Variants in STAC observed in about 807,000 individuals in gnomAD.
STAC encodes the protein SH3 and cysteine-rich domain-containing protein.
STAC carries 43 observed loss-of-function variants against 48.8 expected under a neutral mutation model. The observed-to-expected ratio is 0.88, with a 90% CI of 0.69 to 1.14. The LOEUF is 1.14. STAC is among the 50% of genes most tolerant of loss of function. The probability of loss-of-function intolerance (pLI) is 0.00; values close to 1 mark genes in which losing one functional copy is unlikely to be tolerated. For missense variants in STAC, 497 were observed against 504.0 expected, an observed-to-expected ratio of 0.99 and a Z score of 0.13; for synonymous variants, 193 against 179.5, an observed-to-expected ratio of 1.07 and a Z score of -0.60.
At chr3:36,498,299 A>G (rs1301104601) in intron 6 of STAC, among the ~76,000 whole-genome samples, 2 of 152,158 alleles carry the variant, frequency 1.3e-5, no homozygotes, top group Admixed American at 1.3e-4. Flanking sequence ...GTTTAACAAC[A>G]TATTAGGCAT....
intron 1 of STAC, among the ~76,000 whole-genome samples, chr3:36,407,357 G>T (rs1257351669): frequency 1.3e-5 from 2 of 152,198 alleles, no homozygotes; most frequent in African/African-American, 2.4e-5. Context: ...AATCCTGGTG[G>T]ATCTCAGAGG....
intron 8 of STAC, among the ~76,000 whole-genome samples, chr3:36,527,353 TCAGAA>T (rs759117069): frequency 3.3e-5 from 5 of 152,116 alleles, no homozygotes; most frequent in Non-Finnish European, 5.9e-5. Context: ...CAGAACTCTT[TCAGAA>T]AAGAATAAGG....
intron 2 of STAC, among the ~76,000 whole-genome samples, chr3:36,444,354 A>C (rs779040211): frequency 3.3e-5 from 5 of 152,190 alleles, no homozygotes; most frequent in Non-Finnish European, 5.9e-5. Context: ...AAAAGTTTAG[A>C]AGTTCTTTAA....
chr3:36,454,189 T>C (rs1696783679), intron 2 of STAC, among the ~76,000 whole-genome samples: 1 of 152,138 alleles, frequency 6.6e-6, no homozygotes, highest in South Asian at 2.1e-4. Flanking sequence ...TTTCGCTCTT[T>C]GCAATAAATC....
intron 1 of STAC, among the ~76,000 whole-genome samples, chr3:36,433,039 G>C (rs1057141899): frequency 6.6e-6 from 1 of 152,164 alleles, no homozygotes; most frequent in Non-Finnish European, 1.5e-5. Context: ...CTGCAGCAGA[G>C]CCCCAGGGCA....
chr3:36,505,620 G>A, intron 7 of STAC, 126 bp from the exon 8 acceptor site: 1 of 619,880 alleles, frequency 1.6e-6, no homozygotes, highest in South Asian at 2.2e-5. Context: ...ATAATGGTTA[G>A]ATAACACTTA....
Position 36,546,388 on chromosome 3 carries a change from AG to A in STAC, c.*100del. ...CCCAAAGGAGCTGCCGCACTGACCC[AG>A]CCCCCCAGGAAACAGTGAGACAAGA... On this transcript the variant is annotated 3_prime_UTR_variant, in exon 11 of 11. Transcript: ENST00000273183. The A allele has an allele frequency of 2.0e-6, 2 of 1,004,218 alleles. No individual in the cohort carries two copies. The highest frequency in any genetic ancestry group is 3.1e-6 in the Non-Finnish European group (2 of 642,070). 62.2% of individuals were successfully genotyped at this position (1,004,218 alleles called of 1,614,324 possible).
chr3:36,388,180 T>C (rs1216182664), intron 1 of STAC, among the ~76,000 whole-genome samples: 5 of 152,164 alleles, frequency 3.3e-5, no homozygotes, highest in South Asian at 2.1e-4. Flanking sequence ...TGTAGTATTA[T>C]AGCTTTCTAA....
intron 2 of STAC, among the ~76,000 whole-genome samples, chr3:36,449,141 G>A (rs551872244): frequency 1.6e-3 from 248 of 152,038 alleles, no homozygotes; most frequent in African/African-American, 5.6e-3. Context: ...TAAGAAAGAA[G>A]ATGTAGGCTC....
intron 1 of STAC, among the ~76,000 whole-genome samples, chr3:36,416,069 G>T (rs1700313070): frequency 6.6e-6 from 1 of 151,972 alleles, no homozygotes; most frequent in African/African-American, 2.4e-5. Flanking sequence ...CTTTATTCTG[G>T]TTCCTTTATT....
chr3:36,546,234 T>G lies in STAC; in HGVS notation c.1154T>G (p.Val385Gly), dbSNP rs779346634. The change falls in exon 11 of 11, where the codon GTC (valine) becomes GGC (glycine). Residue 385 changes from valine to glycine, a missense_variant. By Grantham distance (109) the Val-to-Gly change is moderately radical (BLOSUM62 -3). Transcript: ENST00000273183. ...GAAGAACAAGATGGTTTTATCAGAG[T>G]CCTCAGTGGAAAAAAGAAAGGCCTC... ...SEEEQDGFIR[V>G]LSGKKKGLIP... 6 of 1,613,910 alleles carry G rather than the reference T, an allele frequency of 3.7e-6. No homozygotes were observed. The East Asian group carries it at 1.3e-4, about 36-fold the overall frequency.
intron 6 of STAC, among the ~76,000 whole-genome samples, chr3:36,498,300 T>C (rs1414247495): frequency 6.6e-6 from 1 of 152,100 alleles, no homozygotes; most frequent in Non-Finnish European, 1.5e-5. Flanking sequence ...TTTAACAACA[T>C]ATTAGGCATA....
At chr3:36,450,525 C>T (rs1696646169) in intron 2 of STAC, among the ~76,000 whole-genome samples, 1 of 152,156 alleles carries the variant, frequency 6.6e-6, no homozygotes, top group Non-Finnish European at 1.5e-5. Context: ...TATATCCATA[C>T]CCAAATAAAA....
intron 8 of STAC, among the ~76,000 whole-genome samples, chr3:36,511,426 A>G (rs1559519817): frequency 6.6e-6 from 1 of 152,182 alleles, no homozygotes; most frequent in African/African-American, 2.4e-5. Flanking sequence ...GCTTCCATGC[A>G]TTCATGACCC....
chr3:36,517,828 T>C (rs1698710357), intron 8 of STAC, among the ~76,000 whole-genome samples: 1 of 152,062 alleles, frequency 6.6e-6, no homozygotes, highest in East Asian at 1.9e-4. Flanking sequence ...GATACACTTA[T>C]ACATGTAAAT....
At chr3:36,471,148 G>T (rs1697321200) in intron 2 of STAC, among the ~76,000 whole-genome samples, 1 of 152,126 alleles carries the variant, frequency 6.6e-6, no homozygotes, top group Non-Finnish European at 1.5e-5. Flanking sequence ...CATGGCAGGA[G>T]GCAAAAGGCA....
At chr3:36,385,488 CT>C (rs1306187062) in intron 1 of STAC, among the ~76,000 whole-genome samples, 6 of 151,910 alleles carry the variant, frequency 3.9e-5, no homozygotes, top group East Asian at 3.9e-4. Context: ...GTATTATAGT[CT>C]TTTTTTTAGT....
chr3:36,529,223 G>A (rs1158252690), intron 10 of STAC: 4 of 281,038 alleles, frequency 1.4e-5, no homozygotes, highest in Admixed American at 9.3e-5. Context: ...GGCAGGCGAC[G>A]ACATCTCGTC....
intron 1 of STAC, among the ~76,000 whole-genome samples, chr3:36,438,769 T>A (rs948396501): frequency 1.3e-5 from 2 of 152,110 alleles, no homozygotes; most frequent in Non-Finnish European, 2.9e-5. Flanking sequence ...ACACCACATA[T>A]GACGAAGGGT....
Sources: allele counts gnomAD v4.1 joint callset (sites outside exome capture counted in the v4.1 genomes callset), GRCh38; gene constraint gnomAD v4.1.1; transcripts MANE v1.5; gene names NCBI Gene and HGNC (gene_info 2026-07-23, HGNC 2026-07-21).